Variants in NCAM2 observed in about 807,000 individuals in gnomAD.
NCAM2 encodes the protein N-CAM-2.
NCAM2 carries 30 observed loss-of-function variants against 98.1 expected under a neutral mutation model. That is an observed-to-expected ratio of 0.31 (90% confidence interval 0.23 to 0.41). NCAM2 has a LOEUF of 0.41. Among genes scored for constraint, NCAM2 ranks in the 10% least tolerant of loss-of-function variants. The probability of loss-of-function intolerance (pLI) is 1.00; values close to 1 mark genes in which losing one functional copy is unlikely to be tolerated. For synonymous variants in NCAM2, 368 were observed against 342.4 expected (o/e 1.07, Z -0.83); for missense variants, 867 against 1,005.8 (o/e 0.86, Z 1.87).
At chr21:21,153,899 G>A (rs59762461) in intron 1 of NCAM2, among the ~76,000 whole-genome samples, 25,714 of 151,750 alleles carry the variant, frequency 0.17, 2,651 homozygotes, top group African/African-American at 0.29. Context: ...AAGTATGACA[G>A]CCAAATAAAG....
chr21:21,494,421 A>C (rs1042542138), intron 15 of NCAM2, among the ~76,000 whole-genome samples: 13 of 151,352 alleles, frequency 8.6e-5, no homozygotes, highest in Admixed American at 8.6e-4. Context: ...AGAACTAAAA[A>C]TAAAATTATT....
intron 11 of NCAM2, among the ~76,000 whole-genome samples, chr21:21,426,140 CA>C (rs773900524): frequency 4.6e-5 from 7 of 152,074 alleles, no homozygotes; most frequent in Non-Finnish European, 8.8e-5. Context: ...TATCACATCC[CA>C]AAAGACCCCA....
intron 1 of NCAM2, among the ~76,000 whole-genome samples, chr21:21,076,053 G>A (rs1398197183): frequency 1.3e-5 from 2 of 151,252 alleles, no homozygotes; most frequent in East Asian, 3.9e-4. Flanking sequence ...AGAGGAGGAG[G>A]TTGAAGTGAG....
At chr21:21,329,261 A>G (rs1182702717) in intron 6 of NCAM2, among the ~76,000 whole-genome samples, 1 of 152,012 alleles carries the variant, frequency 6.6e-6, no homozygotes, top group African/African-American at 2.4e-5. Flanking sequence ...ACACTTTTAT[A>G]CCATATTTTT....
At chr21:21,073,690 A>G (rs946522531) in intron 1 of NCAM2, among the ~76,000 whole-genome samples, 1 of 152,188 alleles carries the variant, frequency 6.6e-6, no homozygotes, top group Non-Finnish European at 1.5e-5. Context: ...TAATTAAGTA[A>G]TTAATATCTG....
chr21:21,445,404 T>C (rs232418), intron 12 of NCAM2, among the ~76,000 whole-genome samples: 100,779 of 151,962 alleles, frequency 0.66, 34,488 homozygotes, highest in Non-Finnish European at 0.72. Context: ...TTTTCTGTCT[T>C]GTTGATTTGT....
chr21:21,321,965 A>G (rs1160929518), intron 5 of NCAM2, among the ~76,000 whole-genome samples: 1 of 152,198 alleles, frequency 6.6e-6, no homozygotes. Flanking sequence ...ATTACTGGGT[A>G]AATACCAAAA....
At chr21:21,362,939 T>C (rs1467778870) in intron 8 of NCAM2, among the ~76,000 whole-genome samples, 1 of 152,174 alleles carries the variant, frequency 6.6e-6, no homozygotes, top group Non-Finnish European at 1.5e-5. Context: ...TAGTTGATTT[T>C]CTATATGGAT....
At chr21:21,422,030 G>T (rs1405995257) in intron 11 of NCAM2, among the ~76,000 whole-genome samples, 3 of 152,112 alleles carry the variant, frequency 2.0e-5, no homozygotes, top group African/African-American at 7.2e-5. Flanking sequence ...GTGAAGCACA[G>T]AAGCCTGGCA....
chr21:21,411,123 TAC>T (rs1371134581), intron 10 of NCAM2, among the ~76,000 whole-genome samples: 12 of 60,798 alleles, frequency 2.0e-4, no homozygotes, highest in African/African-American at 3.0e-4. Flanking sequence ...TATATATATA[TAC>T]ACATATATAT....
intron 15 of NCAM2, 43 bp from the exon 16 acceptor site, chr21:21,508,808 C>CTTTTTTTTTTTTTTTTTTTTTTTTTTTT (rs764097299): frequency 2.5e-6 from 1 of 404,442 alleles, no homozygotes; most frequent in East Asian, 5.7e-5. Flanking sequence ...ACTTTTTTTC[C>CTTTTTTTTTTTTTTTTTTTTTTTTTTTT]TTTTTTTTTT....
intron 1 of NCAM2, among the ~76,000 whole-genome samples, chr21:21,108,885 A>C (rs2066400893): frequency 6.6e-6 from 1 of 152,172 alleles, no homozygotes; most frequent in Non-Finnish European, 1.5e-5. Flanking sequence ...AAAAACTTAT[A>C]GGGTAAATCA....
chr21:21,394,557 T>G (rs1336176826), intron 9 of NCAM2, among the ~76,000 whole-genome samples: 3 of 139,340 alleles, frequency 2.2e-5, no homozygotes, highest in Non-Finnish European at 4.5e-5. Context: ...GGTGCAATCT[T>G]GGCTCACTGC....
At chr21:21,512,760 T>C (rs1231460890) in intron 16 of NCAM2, among the ~76,000 whole-genome samples, 3 of 152,068 alleles carry the variant, frequency 2.0e-5, no homozygotes, top group African/African-American at 7.2e-5. Context: ...CTTGAAGTTT[T>C]CATCAATGTT....
At chr21:21,308,111 A>G (rs1252031338) in intron 5 of NCAM2, among the ~76,000 whole-genome samples, 1 of 151,866 alleles carries the variant, frequency 6.6e-6, no homozygotes, top group Non-Finnish European at 1.5e-5. Flanking sequence ...TATAGATTCA[A>G]ACTTCCAATT....
intron 10 of NCAM2, among the ~76,000 whole-genome samples, chr21:21,411,411 T>A (rs1437097300): frequency 1.3e-5 from 2 of 151,466 alleles, no homozygotes; most frequent in Non-Finnish European, 2.9e-5. Context: ...AATTCCAAAA[T>A]AAATGAAATT....
intron 1 of NCAM2, among the ~76,000 whole-genome samples, chr21:21,264,553 A>T (rs532660863): frequency 6.6e-6 from 1 of 151,944 alleles, no homozygotes; most frequent in East Asian, 1.9e-4. Flanking sequence ...TTGTATGTTT[A>T]TAATAGCACT....
intron 1 of NCAM2, among the ~76,000 whole-genome samples, chr21:21,178,309 G>A (rs1036668222): frequency 6.6e-6 from 1 of 152,134 alleles, no homozygotes; most frequent in Admixed American, 6.5e-5. Context: ...GAAGCAGAGA[G>A]AGAATTTGAG....
intron 1 of NCAM2, among the ~76,000 whole-genome samples, chr21:21,251,334 C>T (rs528260182): frequency 2.0e-5 from 3 of 151,670 alleles, no homozygotes; most frequent in East Asian, 3.9e-4. Context: ...CCCCCCACCC[C>T]CTGTGTTGTT....
Sources: gnomAD v4.1 joint callset for allele counts (sites outside exome capture counted in the v4.1 genomes callset) on GRCh38, gnomAD v4.1.1 for gene constraint, MANE v1.5 for transcripts, NCBI Gene and HGNC (gene_info 2026-07-23, HGNC 2026-07-21) for gene names.